PNPLA1: variants seen among roughly 807,000 people sequenced by gnomAD.
PNPLA1 encodes patatin like domain 1, omega-hydroxyceramide transacylase, also known as omega-hydroxyceramide transacylase.
PNPLA1 carries 36 observed loss-of-function variants against 51.7 expected under a neutral mutation model. That is an observed-to-expected ratio of 0.70 (90% CI 0.53 to 0.92). The LOEUF is 0.92. Ranked by LOEUF, PNPLA1 falls within the 40% of genes least tolerant of loss-of-function variation. The pLI is 0.00. For missense variants in PNPLA1, 658 were observed against 682.5 expected (o/e 0.96, Z 0.40); for synonymous variants, 293 against 280.1 (o/e 1.05, Z -0.46).
intron 1 of PNPLA1, among the ~76,000 whole-genome samples, chr6:36,253,997 T>C (rs920459124): frequency 2.0e-5 from 3 of 152,168 alleles, no homozygotes; most frequent in Non-Finnish European, 4.4e-5. Context: ...CGAGGTCATA[T>C]GGTCTGACTA....
intron 1 of PNPLA1, among the ~76,000 whole-genome samples, chr6:36,290,545 T>G (rs900033443): frequency 6.6e-6 from 1 of 152,240 alleles, no homozygotes; most frequent in Non-Finnish European, 1.5e-5. Flanking sequence ...CCAGTATTGT[T>G]GTGGGAATTA....
chr6:36,282,077 G>GAAAGAAAGAAAGAAAGAAAGAAAGAAAGA (rs1561859246), intron 1 of PNPLA1, among the ~76,000 whole-genome samples: 3 of 127,506 alleles, frequency 2.4e-5, no homozygotes, highest in African/African-American at 9.4e-5. Flanking sequence ...AAGAAAGAAA[G>GAAAGAAAGAAAGAAAGAAAGAAAGAAAGA]AAAGAAAGAA....
intron 1 of PNPLA1, among the ~76,000 whole-genome samples, chr6:36,252,951 C>G (rs921819088): frequency 1.3e-5 from 2 of 152,208 alleles, no homozygotes; most frequent in African/African-American, 4.8e-5. Context: ...GCGGCCAAGG[C>G]TGGCGGATTG....
At chr6:36,282,932 C>G (rs985319989) in intron 1 of PNPLA1, among the ~76,000 whole-genome samples, 32 of 152,192 alleles carry the variant, frequency 2.1e-4, no homozygotes, top group African/African-American at 7.7e-4. Context: ...ATCTGCCCAC[C>G]TTGGCCTCCC....
upstream of PNPLA1, among the ~76,000 whole-genome samples, chr6:36,269,562 G>A (rs370832846): frequency 2.6e-5 from 4 of 152,190 alleles, no homozygotes; most frequent in African/African-American, 7.2e-5. Flanking sequence ...CACACACTTA[G>A]AATGATCTAG....
At chr6:36,275,778 TG>T (rs1253191377) in intron 1 of PNPLA1, among the ~76,000 whole-genome samples, 2 of 152,228 alleles carry the variant, frequency 1.3e-5, no homozygotes, top group Non-Finnish European at 2.9e-5. Context: ...AAAGCTCTGC[TG>T]GGCTTTCGAC....
At chr6:36,296,712 C>T (rs746864082) in intron 5 of PNPLA1, among the ~76,000 whole-genome samples, 4 of 152,112 alleles carry the variant, frequency 2.6e-5, no homozygotes, top group East Asian at 1.9e-4. Context: ...AGAGGCTGGA[C>T]GGACAGGAGA....
chr6:36,297,555 C>T lies in PNPLA1; in HGVS notation c.775+2131C>T, dbSNP rs188053676. Reference sequence around the variant, plus strand: ...TCCTCAGCTCACATTCTCACAGCCTCTTTCTCCTCCCTCCCAAGGGAGGAG... The same window carrying T: ...TCCTCAGCTCACATTCTCACAGCCTTTTTCTCCTCCCTCCCAAGGGAGGAG... On this transcript the variant is annotated intron_variant, in intron 5 of 8. Transcript: ENST00000636260. 5.9e-5 allele frequency among the ~76,000 whole-genome samples: 9 copies of T among 152,292 alleles called. No individual in the cohort carries two copies. The East Asian group carries it at 1.5e-3, about 26-fold the overall frequency.
At chr6:36,249,220 C>T (rs1326285292) in intron 1 of PNPLA1, among the ~76,000 whole-genome samples, 9 of 152,160 alleles carry the variant, frequency 5.9e-5, no homozygotes, top group Non-Finnish European at 8.8e-5. Flanking sequence ...GAAGTCATCT[C>T]GGTACATCCC....
intron 1 of PNPLA1, among the ~76,000 whole-genome samples, chr6:36,272,779 C>T (rs1300120374): frequency 1.3e-5 from 2 of 152,196 alleles, no homozygotes; most frequent in Non-Finnish European, 2.9e-5. Context: ...AGCAGGGTGC[C>T]TTCCTGGCTG....
intron 1 of PNPLA1, among the ~76,000 whole-genome samples, chr6:36,284,167 G>A (rs903130053): frequency 3.9e-5 from 6 of 152,230 alleles, no homozygotes; most frequent in African/African-American, 1.4e-4. Context: ...GGCAAGCAAA[G>A]AGTCCTGTGG....
chr6:36,303,113 TA>T (rs1335232396), intron 6 of PNPLA1, among the ~76,000 whole-genome samples: 1 of 119,218 alleles, frequency 8.4e-6, no homozygotes, highest in African/African-American at 2.8e-5. Flanking sequence ...TTTTTTTTTT[TA>T]GATGGAATCT....
chr6:36,245,723 A>G (rs2127307385), intron 1 of PNPLA1, among the ~76,000 whole-genome samples: 1 of 152,338 alleles, frequency 6.6e-6, no homozygotes, highest in African/African-American at 2.4e-5. Context: ...TTCAGTCCTC[A>G]CAACAGCCTT....
intron 1 of PNPLA1, among the ~76,000 whole-genome samples, chr6:36,256,929 T>TG (rs1389146000): frequency 6.6e-6 from 1 of 151,924 alleles, no homozygotes; most frequent in Non-Finnish European, 1.5e-5. Flanking sequence ...GGAGAGGAAG[T>TG]GGGGGGATAT....
chr6:36,311,113 G>T lies in PNPLA1; in HGVS notation c.1596-650G>T, dbSNP rs138428714. Among the ~76,000 whole-genome samples, 20 of 152,318 alleles carry T rather than the reference G, an allele frequency of 1.3e-4. No homozygotes were observed. The East Asian group carries it at 3.7e-3, about 28-fold the overall frequency. ...GGGCTCACCCTGCACCTACTGAATC[G>T]GAAATGGGGCTGGGGCCCAGCGGTG... On this transcript the variant is annotated intron_variant, in intron 8 of 8. Transcript: ENST00000636260.
intron 1 of PNPLA1, among the ~76,000 whole-genome samples, chr6:36,288,013 T>C (rs1019127312): frequency 6.6e-6 from 1 of 152,224 alleles, no homozygotes; most frequent in Admixed American, 6.5e-5. Flanking sequence ...TTGTCCACTG[T>C]TTTGTTCCTG....
chr6:36,266,628 C>G (rs142622743), upstream of PNPLA1, among the ~76,000 whole-genome samples: 2 of 152,206 alleles, frequency 1.3e-5, no homozygotes, highest in African/African-American at 4.8e-5. Context: ...AAGGACCAGG[C>G]CTTTCAGCTG....
chr6:36,290,515 A>G (rs1561863662), intron 1 of PNPLA1, among the ~76,000 whole-genome samples: 1 of 152,224 alleles, frequency 6.6e-6, no homozygotes, highest in Non-Finnish European at 1.5e-5. Context: ...CAGTAAAAGG[A>G]AGATAGAAAT....
intron 1 of PNPLA1, among the ~76,000 whole-genome samples, chr6:36,279,609 A>T (rs1483189987): frequency 6.6e-6 from 1 of 152,166 alleles, no homozygotes; most frequent in African/African-American, 2.4e-5. Flanking sequence ...CTGAACTTCC[A>T]ACTCTGCCCC....
Sources: allele counts gnomAD v4.1 joint callset (sites outside exome capture counted in the v4.1 genomes callset), GRCh38; gene constraint gnomAD v4.1.1; transcripts MANE v1.5; gene names NCBI Gene and HGNC (gene_info 2026-07-23, HGNC 2026-07-21).